QTGAL: variants seen among roughly 807,000 people sequenced by gnomAD.
QTGAL encodes queuosine-tRNA galactosyltransferase.
chr17:82,990,788 T>G, the QTGAL span, among the ~76,000 whole-genome samples: 2 of 152,158 alleles, frequency 1.3e-5, no homozygotes, highest in Non-Finnish European at 2.9e-5. Flanking sequence ...TGATTAGATT[T>G]CACGTGAGGG....
At chr17:83,049,680 G>C in the QTGAL span, among the ~76,000 whole-genome samples, 1 of 152,088 alleles carries the variant, frequency 6.6e-6, no homozygotes, top group East Asian at 1.9e-4. Context: ...ACAAAGTATC[G>C]GGCAGGAGGT....
the QTGAL span, chr17:82,965,564 C>T: frequency 3.5e-5 from 47 of 1,326,046 alleles, no homozygotes; most frequent in African/African-American, 4.5e-5. Context: ...CATGGCAAGG[C>T]GGAGGGTGGC....
chr17:82,942,171 T>TATTA, the QTGAL span: 1 of 551,048 alleles, frequency 1.8e-6, no homozygotes, highest in Non-Finnish European at 3.2e-6. Context: ...TTTACATTTT[T>TATTA]ATTAGGAAAA....
chr17:82,970,520 C>T, the QTGAL span, among the ~76,000 whole-genome samples: 2 of 97,450 alleles, frequency 2.1e-5, no homozygotes, highest in African/African-American at 3.7e-5. Flanking sequence ...CAGGTCCTCC[C>T]CACCCAGCGT....
At chr17:83,042,171 A>G in the QTGAL span, among the ~76,000 whole-genome samples, 1 of 152,202 alleles carries the variant, frequency 6.6e-6, no homozygotes, top group African/African-American at 2.4e-5. Context: ...ATTCGAGACC[A>G]GCCTGGGCAA....
chr17:82,951,068 C>T, the QTGAL span, among the ~76,000 whole-genome samples: 1 of 152,220 alleles, frequency 6.6e-6, no homozygotes, highest in Non-Finnish European at 1.5e-5. Context: ...TATAAACTTG[C>T]ACATGCTTAG....
the QTGAL span, among the ~76,000 whole-genome samples, chr17:83,008,412 C>G: frequency 0.031 from 4,676 of 152,288 alleles, 83 homozygotes; most frequent in African/African-American, 0.032. Flanking sequence ...CCACCAGGAT[C>G]TGGCAATTCC....
At chr17:83,049,180 G>A in the QTGAL span, 4,325 of 190,252 alleles carry the variant, frequency 0.023, 86 homozygotes, top group Non-Finnish European at 0.034. Flanking sequence ...GTGAACCCGG[G>A]AGGCGGAGCT....
the QTGAL span, among the ~76,000 whole-genome samples, chr17:83,000,207 T>C: frequency 6.6e-6 from 1 of 152,272 alleles, no homozygotes; most frequent in East Asian, 1.9e-4. Context: ...ATGATCCACC[T>C]GCCTTGGCCT....
At chr17:82,952,070 A>T in the QTGAL span, among the ~76,000 whole-genome samples, 3 of 152,222 alleles carry the variant, frequency 2.0e-5, no homozygotes, top group African/African-American at 7.2e-5. Flanking sequence ...TAAAATGCAC[A>T]ATGAAGTGCA....
At chr17:83,040,283 C>A in the QTGAL span, among the ~76,000 whole-genome samples, 4 of 152,156 alleles carry the variant, frequency 2.6e-5, no homozygotes, top group Admixed American at 1.3e-4. Flanking sequence ...AGCTGTGACT[C>A]CTAAAATCTG....
the QTGAL span, among the ~76,000 whole-genome samples, chr17:83,012,545 G>A: frequency 3.9e-5 from 6 of 152,146 alleles, no homozygotes; most frequent in Non-Finnish European, 7.4e-5. Flanking sequence ...GTCCAGCCAC[G>A]GTTTCCAGCT....
At chr17:82,943,076 T>A in the QTGAL span, 2 of 153,256 alleles carry the variant, frequency 1.3e-5, no homozygotes, top group African/African-American at 4.8e-5. Flanking sequence ...AGTCACTGAT[T>A]GATGGGTGTG....
At chr17:82,965,715 A>G in the QTGAL span, 17 of 1,612,656 alleles carry the variant, frequency 1.1e-5, no homozygotes, top group Admixed American at 2.7e-4. Flanking sequence ...CCAGGTGGGC[A>G]TGATCACCGT....
chr17:83,018,603 G>A, the QTGAL span, among the ~76,000 whole-genome samples: 1 of 152,226 alleles, frequency 6.6e-6, no homozygotes, highest in Admixed American at 6.5e-5. Flanking sequence ...ACATGTCAGG[G>A]TTAAAATTGG....
At chr17:83,034,535 C>T in the QTGAL span, among the ~76,000 whole-genome samples, 2 of 152,196 alleles carry the variant, frequency 1.3e-5, no homozygotes, top group Non-Finnish European at 2.9e-5. Flanking sequence ...TAAGGTTGGG[C>T]TGTGTCCCCA....
chr17:82,970,631 GCGACC>G, the QTGAL span, among the ~76,000 whole-genome samples: 8 of 98,708 alleles, frequency 8.1e-5, 2 homozygotes, highest in Admixed American at 2.3e-4. Flanking sequence ...CGGCGTGGCC[GCGACC>G]TCCGCACCCG....
chr17:82,951,201 GTCT>G, the QTGAL span, among the ~76,000 whole-genome samples: 1 of 152,200 alleles, frequency 6.6e-6, no homozygotes, highest in Non-Finnish European at 1.5e-5. Flanking sequence ...CCTGCATGGT[GTCT>G]TCTTCCAGTT....
the QTGAL span, among the ~76,000 whole-genome samples, chr17:83,002,048 C>T: frequency 7.5e-6 from 1 of 132,974 alleles, no homozygotes; most frequent in Admixed American, 7.8e-5. Context: ...AGGCGTGAGC[C>T]ACTGCGCCTT....
Sources: gnomAD v4.1 joint callset for allele counts (sites outside exome capture counted in the v4.1 genomes callset) on GRCh38, gnomAD v4.1.1 for gene constraint, MANE v1.5 for transcripts, NCBI Gene and HGNC (gene_info 2026-07-23, HGNC 2026-07-21) for gene names.